The following SLC5A4 variants were observed in gnomAD, a reference collection of about 807,000 sequenced individuals.
SLC5A4 encodes the protein solute carrier family 5 member 4.
SLC5A4 carries 55 observed loss-of-function variants against 70.3 expected under a neutral mutation model. That is an observed-to-expected ratio of 0.78 (90% CI 0.63 to 0.98). SLC5A4 has a LOEUF of 0.98. Among genes scored for constraint, SLC5A4 ranks in the 50% least tolerant of loss-of-function variants. The pLI is 0.00. For synonymous variants in SLC5A4, 268 were observed against 305.7 expected (o/e 0.88, Z 1.29); for missense variants, 735 against 839.2 (o/e 0.88, Z 1.53).
At chr22:32,291,367 C>CG in the SLC5A4 span, among the ~76,000 whole-genome samples, 3 of 151,806 alleles carry the variant, frequency 2.0e-5, no homozygotes, top group Non-Finnish European at 4.4e-5. Context: ...ATAGTAGAGA[C>CG]GGGGTTTCAC....
At chr22:32,328,814 A>G in the SLC5A4 span, among the ~76,000 whole-genome samples, 15 of 152,216 alleles carry the variant, frequency 9.9e-5, no homozygotes, top group African/African-American at 3.6e-4. Context: ...GCAGTGCTAG[A>G]GATTCTGGGA....
the SLC5A4 span, among the ~76,000 whole-genome samples, chr22:32,308,905 C>G: frequency 1.3e-5 from 2 of 152,200 alleles, no homozygotes; most frequent in African/African-American, 4.8e-5. Context: ...TGCACATGTT[C>G]CCAATAACTT....
chr22:32,251,657 T>G (rs780992491), intron 3 of SLC5A4, 113 bp downstream of exon 3: 47 of 753,538 alleles, frequency 6.2e-5, no homozygotes, highest in Non-Finnish European at 1.1e-4. Flanking sequence ...AGAGATACAT[T>G]TCTGTTCTTT....
the SLC5A4 span, among the ~76,000 whole-genome samples, chr22:32,295,375 T>C: frequency 1.8e-5 from 2 of 109,852 alleles, 1 homozygote; most frequent in Admixed American, 2.0e-4. Context: ...TGTGAGATGG[T>C]ATCTCATTGT....
At chr22:32,321,542 T>A in the SLC5A4 span, among the ~76,000 whole-genome samples, 2 of 152,216 alleles carry the variant, frequency 1.3e-5, no homozygotes, top group African/African-American at 2.4e-5. Flanking sequence ...GGGGGTTTGT[T>A]GTACAGATTA....
intron 5 of SLC5A4, among the ~76,000 whole-genome samples, chr22:32,243,050 T>C (rs1375040818): frequency 6.6e-6 from 1 of 152,136 alleles, no homozygotes; most frequent in African/African-American, 2.4e-5. Flanking sequence ...AATTCTATAG[T>C]GGAGAAACTG....
chr22:32,236,161 C>G (rs1926047397), intron 7 of SLC5A4, among the ~76,000 whole-genome samples: 1 of 152,192 alleles, frequency 6.6e-6, no homozygotes, highest in Non-Finnish European at 1.5e-5. Context: ...AGAATTGGTG[C>G]TAACAATAGC....
chr22:32,349,966 A>G, the SLC5A4 span, among the ~76,000 whole-genome samples: 85,016 of 151,936 alleles, frequency 0.56, 25,232 homozygotes, highest in African/African-American at 0.78. Flanking sequence ...CTCTTTCCCC[A>G]ACTAATTTCT....
chr22:32,289,060 CCG>C, the SLC5A4 span, among the ~76,000 whole-genome samples: 3 of 151,924 alleles, frequency 2.0e-5, no homozygotes, highest in Admixed American at 1.3e-4. Flanking sequence ...GGAAAGCTTT[CCG>C]TATTTCAAGT....
At chr22:32,329,767 G>A in the SLC5A4 span, among the ~76,000 whole-genome samples, 104 of 80,116 alleles carry the variant, frequency 1.3e-3, no homozygotes, top group African/African-American at 6.1e-3. Context: ...TGTGTGTTGG[G>A]GGCTCTGGTG....
chr22:32,276,248 T>A, the SLC5A4 span, among the ~76,000 whole-genome samples: 11 of 152,314 alleles, frequency 7.2e-5, no homozygotes, highest in East Asian at 5.8e-4. Flanking sequence ...CTTAAGACAA[T>A]CAATATTTTG....
At chr22:32,270,560 C>T in the SLC5A4 span, 258 of 719,776 alleles carry the variant, frequency 3.6e-4, no homozygotes, top group East Asian at 1.8e-3. Flanking sequence ...ACCATATTCC[C>T]GCAGATGGGG....
chr22:32,274,765 A>G, the SLC5A4 span, among the ~76,000 whole-genome samples: 7 of 152,378 alleles, frequency 4.6e-5, no homozygotes, highest in Non-Finnish European at 8.8e-5. Flanking sequence ...GACACCGGAA[A>G]GAAATATACC....
At chr22:32,351,569 G>A in the SLC5A4 span, among the ~76,000 whole-genome samples, 1 of 150,930 alleles carries the variant, frequency 6.6e-6, no homozygotes, top group Admixed American at 6.6e-5. Flanking sequence ...GGGCACAGCA[G>A]TATTCGCTTG....
At chr22:32,222,333 T>C (rs1485587340) in intron 13 of SLC5A4, among the ~76,000 whole-genome samples, 1 of 152,208 alleles carries the variant, frequency 6.6e-6, no homozygotes, top group East Asian at 1.9e-4. Context: ...GAGTAATTTC[T>C]AGTTTTGCTG....
chr22:32,224,142 C>G (rs71313114), intron 13 of SLC5A4, 125 bp downstream of exon 13: 19,759 of 684,352 alleles, frequency 0.029, 357 homozygotes, highest in Non-Finnish European at 0.035. Flanking sequence ...GGATGGTCTC[C>G]ATCTCCTGAC....
At chr22:32,249,660 G>C (rs1927029075) in intron 3 of SLC5A4, among the ~76,000 whole-genome samples, 2 of 152,216 alleles carry the variant, frequency 1.3e-5, no homozygotes, top group Non-Finnish European at 2.9e-5. Context: ...CTTTCACTAT[G>C]ATCCAACTTT....
At chr22:32,310,603 C>T in the SLC5A4 span, among the ~76,000 whole-genome samples, 1 of 152,212 alleles carries the variant, frequency 6.6e-6, no homozygotes, top group Non-Finnish European at 1.5e-5. Flanking sequence ...CCCACTTTGC[C>T]TCTGCCAAGC....
chr22:32,341,320 G>A, the SLC5A4 span, among the ~76,000 whole-genome samples: 3 of 152,236 alleles, frequency 2.0e-5, no homozygotes, highest in Non-Finnish European at 4.4e-5. Context: ...GGATGGAGCC[G>A]CAAAGAGGAG....
Sources: gnomAD v4.1 joint callset for allele counts (sites outside exome capture counted in the v4.1 genomes callset) on GRCh38, gnomAD v4.1.1 for gene constraint, MANE v1.5 for transcripts, NCBI Gene and HGNC (gene_info 2026-07-23, HGNC 2026-07-21) for gene names.